The following SPAG16 variants were observed in gnomAD, a reference collection of about 807,000 sequenced individuals.
SPAG16 encodes the protein sperm-associated antigen 16 protein.
In SPAG16, 86 loss-of-function variants were observed where a neutral mutation model predicts 80.4. That is an observed-to-expected ratio of 1.07 (90% CI 0.90 to 1.28). The LOEUF (loss-of-function observed/expected upper bound fraction) is 1.28, where lower values mean the gene tolerates loss of function less well. SPAG16 is among the 50% of genes most tolerant of loss of function. The pLI is 0.00. For missense variants in SPAG16, 870 were observed against 765.3 expected, an observed-to-expected ratio of 1.14 and a Z score of -1.61; for synonymous variants, 294 against 265.9, an observed-to-expected ratio of 1.11 and a Z score of -1.03.
At chr2:214,218,279 C>G (rs144193471) in intron 15 of SPAG16, among the ~76,000 whole-genome samples, 2,468 of 152,222 alleles carry the variant, frequency 0.016, 42 homozygotes, top group African/African-American at 0.037. Context: ...TCGAGGTCCC[C>G]TTAAACAGTC....
At chr2:213,357,552 C>T (rs529395048) in intron 7 of SPAG16, among the ~76,000 whole-genome samples, 3 of 152,112 alleles carry the variant, frequency 2.0e-5, no homozygotes, top group South Asian at 2.1e-4. Flanking sequence ...GTTTTAAAGT[C>T]GTTTTATCAG....
intron 9 of SPAG16, chr2:213,422,240 A>G: frequency 1.4e-6 from 1 of 701,962 alleles, no homozygotes. Flanking sequence ...GCAGTTTCAG[A>G]TGTTTCCAAG....
chr2:213,976,084 G>A (rs1217722675), intron 12 of SPAG16, among the ~76,000 whole-genome samples: 5 of 145,400 alleles, frequency 3.4e-5, no homozygotes, highest in African/African-American at 1.3e-4. Flanking sequence ...TTTCCTAAGA[G>A]TGAGTGATCT....
chr2:213,554,158 A>G lies in SPAG16; in HGVS notation c.1070+64068A>G, dbSNP rs113008167. On this transcript the variant is annotated intron_variant, in intron 10 of 15. Transcript: ENST00000331683. ...TTCTCTGGTATGAGAAAAGGAGGTC[A>G]TGAGGACATTAAAAAGTATCACCAT... Among the ~76,000 whole-genome samples, 119 of 152,332 alleles carry G rather than the reference A, an allele frequency of 7.8e-4. 2 individuals carry two copies. Among genetic ancestry groups the G allele is most frequent in the Middle Eastern group, 3.4e-3 (1 of 294 alleles).
At chr2:213,299,872 A>G (rs897229749) in intron 3 of SPAG16, among the ~76,000 whole-genome samples, 59 of 152,094 alleles carry the variant, frequency 3.9e-4, no homozygotes, top group Non-Finnish European at 8.8e-5. Flanking sequence ...TAAAGGTAGG[A>G]TTATATATAT....
chr2:214,105,210 C>A (rs542070902), intron 13 of SPAG16, among the ~76,000 whole-genome samples: 130 of 152,044 alleles, frequency 8.6e-4, no homozygotes, highest in Non-Finnish European at 1.8e-3. Context: ...ACAAACAGCA[C>A]CCATGTCCAC....
rs779836495 is a variant in SPAG16, at chr2:214,108,260, G to A, written c.1592G>A (p.Arg531Lys). 1 of 1,601,362 alleles carries A rather than the reference G, an allele frequency of 6.2e-7. No individual in the cohort carries two copies. Residue 531 changes from arginine (R) to lysine (K), a missense_variant and splice_region_variant, in exon 14 of 16, where the codon AGG (arginine) becomes AAG (lysine). Arg to Lys is a conservative substitution (Grantham distance 26). Transcript: ENST00000331683. ...ATCAATGATGCCATTTTTGATCCCA[G>A]GGTAAGTTCAGTTCTCCCAGTAAAC... The part of the protein sequence containing the change: ...HSINDAIFDP[R>K]GHMIASCDAC...
chr2:213,756,616 A>T (rs1263197553), intron 10 of SPAG16, among the ~76,000 whole-genome samples: 2 of 152,236 alleles, frequency 1.3e-5, no homozygotes, highest in African/African-American at 4.8e-5. Context: ...CATTACAAAG[A>T]TGCAAATACC....
chr2:214,277,651 T>C (rs1221391763), intron 15 of SPAG16, among the ~76,000 whole-genome samples: 3 of 152,176 alleles, frequency 2.0e-5, no homozygotes. Flanking sequence ...GAACAGCAAA[T>C]ATTGCTGCCT....
intron 10 of SPAG16, among the ~76,000 whole-genome samples, chr2:213,743,859 A>C (rs1325714466): frequency 6.6e-6 from 1 of 152,052 alleles, no homozygotes; most frequent in African/African-American, 2.4e-5. Context: ...TCTCCTTTTA[A>C]ACTTTAAATG....
chr2:213,537,307 T>TATA (rs2076286100), intron 10 of SPAG16, among the ~76,000 whole-genome samples: 1 of 151,874 alleles, frequency 6.6e-6, no homozygotes, highest in Non-Finnish European at 1.5e-5. Context: ...AAACTTAAAG[T>TATA]ATAATAATAA....
chr2:213,384,814 C>T (rs2067342834), intron 9 of SPAG16, among the ~76,000 whole-genome samples: 1 of 152,220 alleles, frequency 6.6e-6, no homozygotes. Flanking sequence ...AACATTACCA[C>T]TGTTGGCTTC....
chr2:213,498,778 G>C lies in SPAG16; in HGVS notation c.1070+8688G>C, dbSNP rs944512472. ...CATATGGTCATCTAAGATGACCTGT[G>C]AGTCTTTTTAACATCCTCTTTACCA... On this transcript the variant is annotated intron_variant, in intron 10 of 15. Coordinates refer to ENST00000331683, the MANE Select transcript of SPAG16 (RefSeq NM_024532.5). Among the ~76,000 whole-genome samples the C allele has an allele frequency of 2.6e-5, 4 of 152,142 alleles. No homozygotes were observed. In the Middle Eastern group the frequency reaches 0.01, roughly 388 times the overall value.
chr2:213,861,479 G>GT (rs2075458333), intron 10 of SPAG16, among the ~76,000 whole-genome samples: 1 of 152,120 alleles, frequency 6.6e-6, no homozygotes, highest in African/African-American at 2.4e-5. Context: ...TGTGATCGCT[G>GT]TTTTTTAAAT....
intron 15 of SPAG16, among the ~76,000 whole-genome samples, chr2:214,360,311 T>G (rs1169388563): frequency 1.3e-5 from 2 of 151,910 alleles, no homozygotes; most frequent in African/African-American, 2.4e-5. Flanking sequence ...TTTTCTATAT[T>G]TAAGCAAGTC....
At chr2:213,421,465 A>T (rs1050578894) in intron 9 of SPAG16, among the ~76,000 whole-genome samples, 1 of 152,186 alleles carries the variant, frequency 6.6e-6, no homozygotes, top group South Asian at 2.1e-4. Flanking sequence ...TGACATGTAG[A>T]TGGTGGCAGG....
At chr2:213,981,562 C>A (rs1262133356) in intron 12 of SPAG16, among the ~76,000 whole-genome samples, 1 of 151,748 alleles carries the variant, frequency 6.6e-6, no homozygotes, top group Non-Finnish European at 1.5e-5. Flanking sequence ...TAAAGGAAAA[C>A]AAAATACACT....
chr2:213,365,393 A>G (rs989982916), intron 8 of SPAG16: 1 of 152,232 alleles, frequency 6.6e-6, no homozygotes, highest in South Asian at 2.1e-4. Context: ...AAGCAAAGAA[A>G]TGAGAACAAG....
intron 11 of SPAG16, among the ~76,000 whole-genome samples, chr2:213,928,942 C>CAA (rs1670191264): frequency 1.4e-5 from 2 of 138,722 alleles, no homozygotes; most frequent in African/African-American, 5.3e-5. Flanking sequence ...CACACACACA[C>CAA]AAAACCAACT....
Sources: allele counts gnomAD v4.1 joint callset (sites outside exome capture counted in the v4.1 genomes callset), GRCh38; gene constraint gnomAD v4.1.1; transcripts MANE v1.5; gene names NCBI Gene and HGNC (gene_info 2026-07-23, HGNC 2026-07-21).